The following AHCYL2 variants were observed in gnomAD, a reference collection of about 807,000 sequenced individuals.
AHCYL2 encodes adenosylhomocysteinase like 2.
In AHCYL2, 28 loss-of-function variants were observed where a neutral mutation model predicts 81.4. That is an observed-to-expected ratio of 0.34 (90% CI 0.25 to 0.47). The LOEUF is 0.47. AHCYL2 is among the 20% of genes least tolerant of loss of function. The pLI is 1.00. For synonymous variants in AHCYL2, 272 were observed against 290.2 expected (o/e 0.94, Z 0.64); for missense variants, 551 against 785.1 (o/e 0.70, Z 3.56).
At chr7:129,338,705 G>A (rs1454983271) in intron 1 of AHCYL2, among the ~76,000 whole-genome samples, 1 of 152,166 alleles carries the variant, frequency 6.6e-6, no homozygotes, top group East Asian at 1.9e-4. Context: ...CATGCTCTGC[G>A]TACTTGCCTG....
intron 12 of AHCYL2, among the ~76,000 whole-genome samples, chr7:129,418,618 T>C (rs1345504208): frequency 6.6e-6 from 1 of 152,062 alleles, no homozygotes; most frequent in Non-Finnish European, 1.5e-5. Context: ...TTTTAAAAAT[T>C]ACTCTGGAGG....
intron 1 of AHCYL2, among the ~76,000 whole-genome samples, chr7:129,293,415 A>G (rs1796937793): frequency 6.6e-6 from 1 of 152,084 alleles, no homozygotes; most frequent in Non-Finnish European, 1.5e-5. Flanking sequence ...ATTGATTGTG[A>G]CTAAAACTGG....
intron 1 of AHCYL2, among the ~76,000 whole-genome samples, chr7:129,359,260 A>G (rs1793850248): frequency 6.6e-6 from 1 of 152,244 alleles, no homozygotes; most frequent in Admixed American, 6.5e-5. Context: ...TAAATATTTT[A>G]TGATGTTTAT....
intron 1 of AHCYL2, among the ~76,000 whole-genome samples, chr7:129,343,014 G>A (rs1230033105): frequency 6.6e-6 from 1 of 152,098 alleles, no homozygotes; most frequent in Non-Finnish European, 1.5e-5. Context: ...ATATAGGGAA[G>A]TATACTATGG....
Position 129,406,726 on chromosome 7 carries a change from C to T in AHCYL2, c.1295+260C>T, listed in dbSNP as rs191947352. 3.1e-4 allele frequency among the ~76,000 whole-genome samples: 47 copies of T among 152,294 alleles called. No individual in the cohort carries two copies. The highest frequency in any genetic ancestry group is 9.1e-4 in the Admixed American group (14 of 15,302). On this transcript the variant is annotated intron_variant, in intron 10 of 16. Transcript: ENST00000325006. This position sits in a 1 kb window ranked among gnomAD's most constrained non-coding sequence, Gnocchi z 4.3. ...AGAACAGGTAGCCCCTTACCTTCTC[C>T]ATGTATGATACTTGCCTTTCAAATA... is the stretch of plus-strand genomic sequence containing the variant.
chr7:129,346,016 G>A (rs1348213013), intron 1 of AHCYL2, among the ~76,000 whole-genome samples: 1 of 152,122 alleles, frequency 6.6e-6, no homozygotes, highest in Admixed American at 6.5e-5. Context: ...TAGAGATTTA[G>A]CAGTTATCAG....
At chr7:129,242,485 AG>A (rs922017905) in intron 1 of AHCYL2, among the ~76,000 whole-genome samples, 2 of 152,142 alleles carry the variant, frequency 1.3e-5, no homozygotes, top group African/African-American at 4.8e-5. Context: ...TGGGAGGCCA[AG>A]GGGGGCGGAT....
chr7:129,409,062 G>A (rs112465385), intron 10 of AHCYL2, among the ~76,000 whole-genome samples: 36 of 151,520 alleles, frequency 2.4e-4, no homozygotes, highest in African/African-American at 8.2e-4. Flanking sequence ...ACTCCAGCCT[G>A]GGCAGCATAG....
intron 5 of AHCYL2, among the ~76,000 whole-genome samples, chr7:129,397,616 A>G (rs1003666998): frequency 3.3e-5 from 5 of 152,234 alleles, no homozygotes; most frequent in African/African-American, 1.2e-4. Context: ...AGTGAACACT[A>G]CTCACTGAGG....
At chr7:129,416,927 AG>A (rs752052956) in intron 12 of AHCYL2, among the ~76,000 whole-genome samples, 4 of 152,126 alleles carry the variant, frequency 2.6e-5, no homozygotes, top group East Asian at 3.9e-4. Flanking sequence ...AGGCCAGCCT[AG>A]GCAACATAGT....
chr7:129,325,948 G>T (rs1471325028), intron 1 of AHCYL2, among the ~76,000 whole-genome samples: 1 of 151,974 alleles, frequency 6.6e-6, no homozygotes, highest in Non-Finnish European at 1.5e-5. Context: ...AATGTGATCC[G>T]CCCATCTTGG....
intron 1 of AHCYL2, among the ~76,000 whole-genome samples, chr7:129,233,554 C>A (rs1794524576): frequency 6.6e-6 from 1 of 152,172 alleles, no homozygotes; most frequent in Non-Finnish European, 1.5e-5. Context: ...GTGGCGCGAT[C>A]TCCGCTCACT....
chr7:129,333,872 A>C (rs527755134), intron 1 of AHCYL2, among the ~76,000 whole-genome samples: 9 of 152,314 alleles, frequency 5.9e-5, no homozygotes, highest in Middle Eastern at 3.4e-3. Flanking sequence ...TTTTTTGAAA[A>C]AACATTTTTT....
chr7:129,352,169 T>A (rs1422876649), intron 1 of AHCYL2, among the ~76,000 whole-genome samples: 2 of 152,224 alleles, frequency 1.3e-5, no homozygotes, highest in African/African-American at 2.4e-5. Context: ...CTCCTTTTTT[T>A]AATCATGTAT....
chr7:129,328,782 A>G (rs1159427009), intron 1 of AHCYL2, among the ~76,000 whole-genome samples: 1 of 152,076 alleles, frequency 6.6e-6, no homozygotes, highest in East Asian at 1.9e-4. Flanking sequence ...CACCATGCCC[A>G]GCCTGATTTG....
Position 129,389,201 on chromosome 7 carries a change from T to G in AHCYL2, c.619+2T>G. 1 of 1,613,812 alleles carries G rather than the reference T, an allele frequency of 6.2e-7. No individual in the cohort carries two copies. The highest frequency in any genetic ancestry group is 8.5e-7 in the Non-Finnish European group (1 of 1,179,816). The stretch of plus-strand genomic sequence containing the variant: ...GAGAAATTGAAATTGCTGAACAAGG[T>G]AAAGAAAACAAGCACCTTTTCCTTC... On this transcript the variant is annotated splice_donor_variant, in intron 3 of 16. Coordinates refer to ENST00000325006, the MANE Select transcript of AHCYL2 (RefSeq NM_015328.4). LOFTEE classifies it high-confidence loss of function.
chr7:129,423,339 G>T (rs1797204245), intron 13 of AHCYL2, among the ~76,000 whole-genome samples: 2 of 152,216 alleles, frequency 1.3e-5, no homozygotes, highest in South Asian at 4.1e-4. Context: ...TTCTGGGAAT[G>T]TATGTTTTTA....
intron 12 of AHCYL2, among the ~76,000 whole-genome samples, chr7:129,417,529 C>T (rs1335820649): frequency 6.6e-6 from 1 of 152,156 alleles, no homozygotes; most frequent in Non-Finnish European, 1.5e-5. Context: ...CAAGTATTGC[C>T]AGGTGGCCCC....
At chr7:129,374,883 TAAGG>T (rs1260466439) in intron 1 of AHCYL2, among the ~76,000 whole-genome samples, 1 of 151,572 alleles carries the variant, frequency 6.6e-6, no homozygotes, top group Non-Finnish European at 1.5e-5. Context: ...TTTTTTTAAT[TAAGG>T]AAGAATTGAC....
Sources: gnomAD v4.1 joint callset for allele counts (sites outside exome capture counted in the v4.1 genomes callset) on GRCh38, gnomAD v4.1.1 for gene constraint, Gnocchi (gnomAD v3.1) non-coding constraint, MANE v1.5 for transcripts, NCBI Gene and HGNC (gene_info 2026-07-23, HGNC 2026-07-21) for gene names.